ACBD5: variants seen among roughly 807,000 people sequenced by gnomAD.
ACBD5 encodes the protein acyl-CoA binding domain containing 5, also known as acyl-CoA-binding domain-containing protein 5.
In ACBD5, 40 loss-of-function variants were observed where a neutral mutation model predicts 71.8. The ratio of observed to expected loss-of-function variants is 0.56; its 90% CI spans 0.43 to 0.72. The LOEUF (loss-of-function observed/expected upper bound fraction) is 0.72. Ranked by LOEUF, ACBD5 falls within the 30% of genes least tolerant of loss-of-function variation. ACBD5 has a pLI of 0.00. For missense variants in ACBD5, 559 were observed against 644.5 expected, an observed-to-expected ratio of 0.87 and a Z score of 1.44; for synonymous variants, 229 against 218.6, an observed-to-expected ratio of 1.05 and a Z score of -0.42.
chr10:27,211,261 AAT>A (rs1373553969), intron 8 of ACBD5, among the ~76,000 whole-genome samples, 180 bp from the exon 9 acceptor site: 2 of 152,218 alleles, frequency 1.3e-5, no homozygotes, highest in Non-Finnish European at 2.9e-5. Context: ...GCAGGGAAGA[AAT>A]AGGACAAGAA....
At chr10:27,236,512 A>G (rs2064717694) in intron 2 of ACBD5, among the ~76,000 whole-genome samples, 1 of 152,206 alleles carries the variant, frequency 6.6e-6, no homozygotes, top group Non-Finnish European at 1.5e-5. Flanking sequence ...ATCAGTGTAT[A>G]TTACCTTTAT....
chr10:27,185,237 C>T (rs1431710649), intron 13 of ACBD5, among the ~76,000 whole-genome samples: 1 of 152,126 alleles, frequency 6.6e-6, no homozygotes, highest in Non-Finnish European at 1.5e-5. Context: ...GCCTTAGAGT[C>T]AAAACTGGAG....
chr10:27,227,131 T>C (rs7089915), intron 4 of ACBD5, among the ~76,000 whole-genome samples: 1 of 10,296 alleles, frequency 9.7e-5, no homozygotes, highest in African/African-American at 4.5e-4. Flanking sequence ...TGGCCACCCC[T>C]GGTCTAAAGT....
At chr10:27,212,186 TA>T (rs772004428) in intron 8 of ACBD5, among the ~76,000 whole-genome samples, 1 of 152,142 alleles carries the variant, frequency 6.6e-6, no homozygotes, top group African/African-American at 2.4e-5. Context: ...CCGTCTTTAC[TA>T]AAAATACAAA....
At position 27,240,103 on chromosome 10, in the gene ACBD5, T is replaced by G. The variant is rs565168080; in HGVS notation, c.181+216A>C. Among the ~76,000 whole-genome samples, 4 of 152,296 alleles carry G rather than the reference T, an allele frequency of 2.6e-5. No individual in the cohort carries two copies. The South Asian group carries it at 6.2e-4, about 24-fold the overall frequency. The stretch of plus-strand genomic sequence containing the variant: ...CAGTCATTAAGTGACAAGACTTTTG[T>G]TTTCAACAATATGAAGTACTTAAAA... On this transcript the variant is annotated intron_variant, in intron 2 of 12. Transcript: ENST00000396271. This position sits in a 1 kb window ranked among gnomAD's most constrained non-coding sequence, Gnocchi z 4.1.
chr10:27,196,384 C>A lies in ACBD5; in HGVS notation c.*1046G>T. 2.2e-6 allele frequency: 1 copy of A among 454,216 alleles called. No individual in the cohort carries two copies. The allele number at this position is 454,216 out of a possible 1,614,324, so 28.1% of individuals were successfully genotyped here. A position where few individuals can be genotyped will look rare whatever the true frequency, so the allele number is the denominator to read the frequency against. ...GGGACTTAAATTTCTGTTAGCTGGG[C>A]ATGCCTTATTCCTATGGAAGCATTT... On this transcript the variant is annotated 3_prime_UTR_variant, in exon 13 of 13. Coordinates refer to ENST00000396271, the MANE Select transcript of ACBD5 (RefSeq NM_145698.5).
At chr10:27,217,449 C>G (rs929478622) in intron 7 of ACBD5, among the ~76,000 whole-genome samples, 3 of 137,206 alleles carry the variant, frequency 2.2e-5, no homozygotes, top group African/African-American at 8.1e-5. Context: ...GAGCGAGACA[C>G]CATCTCAAAA....
intron 5 of ACBD5, chr10:27,220,555 G>T (rs750281920): frequency 1.4e-4 from 21 of 152,128 alleles, no homozygotes; most frequent in Non-Finnish European, 2.9e-4. Context: ...CAATGCTGTT[G>T]GTTACTGGAC....
At chr10:27,197,591 C>T in intron 12 of ACBD5, 149 bp from the exon 13 acceptor site, 1 of 653,354 alleles carries the variant, frequency 1.5e-6, no homozygotes, top group South Asian at 1.9e-5. Flanking sequence ...TGACTTGCAG[C>T]CTGATAGGAA....
intron 8 of ACBD5, among the ~76,000 whole-genome samples, chr10:27,213,509 G>C (rs1381032832): frequency 6.6e-6 from 1 of 152,142 alleles, no homozygotes; most frequent in Admixed American, 6.6e-5. Flanking sequence ...TGAAATCCCA[G>C]CACTTTGGGA....
At chr10:27,191,869 C>T (rs947849992), downstream of ACBD5, among the ~76,000 whole-genome samples, 9 of 151,268 alleles carry the variant, frequency 5.9e-5, no homozygotes, top group African/African-American at 2.0e-4. Context: ...GCCTGGGTGA[C>T]GAGAGGGAAA....
At chr10:27,219,920 A>C (rs2062122101) in intron 5 of ACBD5, 63 bp from the exon 6 acceptor site, 2 of 1,481,862 alleles carry the variant, frequency 1.3e-6, no homozygotes, top group African/African-American at 2.8e-5. Flanking sequence ...ATAATTTCCA[A>C]GTAATACTAA....
chr10:27,191,401 T>A (rs1412682768), downstream of ACBD5, among the ~76,000 whole-genome samples: 1 of 152,082 alleles, frequency 6.6e-6, no homozygotes, highest in Non-Finnish European at 1.5e-5. Context: ...TCAAAACTCA[T>A]AGGATGTACA....
chr10:27,215,495 C>T, intron 8 of ACBD5, 40 bp downstream of exon 8: 1 of 1,407,848 alleles, frequency 7.1e-7, no homozygotes, highest in Non-Finnish European at 1.0e-6. Flanking sequence ...TTCTAATACA[C>T]CACTTTGAAA....
Position 27,240,437 on chromosome 10 carries a change from G to A in ACBD5, c.63C>T (p.Pro21=), listed in dbSNP as rs775374463. 6.8e-6 allele frequency: 11 copies of A among 1,613,932 alleles called. No homozygotes were observed. In the African/African-American group the frequency reaches 8.0e-5, roughly 12 times the overall value. Residue 21 remains proline, a synonymous_variant, in exon 2 of 13, where the codon CCC becomes CCT. Coordinates refer to ENST00000396271, the MANE Select transcript of ACBD5 (RefSeq NM_145698.5). This position sits in a 1 kb window ranked among gnomAD's most constrained non-coding sequence, Gnocchi z 4.1. The part of the protein sequence containing the change: ...WESWCCCCLI[P]ADRPWDRGQH... ...GGCCCCGGTCCCAAGGTCTGTCGGCGGGAATCAGGCAGCAGCAGCACCAGC... is the reference window on the plus strand; with the variant it reads ...GGCCCCGGTCCCAAGGTCTGTCGGCAGGAATCAGGCAGCAGCAGCACCAGC...
chr10:27,220,765 G>T (rs2062235127), intron 5 of ACBD5, among the ~76,000 whole-genome samples: 1 of 151,852 alleles, frequency 6.6e-6, no homozygotes, highest in Non-Finnish European at 1.5e-5. Flanking sequence ...CAAAATTGGA[G>T]GACTCATCAT....
intron 4 of ACBD5, 27 bp from the exon 5 acceptor site, chr10:27,223,479 G>T: frequency 1.3e-6 from 2 of 1,524,070 alleles, no homozygotes; most frequent in South Asian, 2.2e-5. Context: ...CAAATATTGT[G>T]AAATCACAAA....
intron 9 of ACBD5, among the ~76,000 whole-genome samples, chr10:27,209,338 C>T (rs1031808717): frequency 6.6e-6 from 1 of 150,946 alleles, no homozygotes; most frequent in African/African-American, 2.5e-5. Context: ...AGGTATTTGT[C>T]TGTTTGTTTG....
chr10:27,193,178 T>C (rs909924509), downstream of ACBD5, among the ~76,000 whole-genome samples: 5 of 131,198 alleles, frequency 3.8e-5, no homozygotes, highest in African/African-American at 1.5e-4. Context: ...TGTGTCTTGC[T>C]CTGTTTCCCA....
Sources: gnomAD v4.1 joint callset for allele counts (sites outside exome capture counted in the v4.1 genomes callset) on GRCh38, gnomAD v4.1.1 for gene constraint, Gnocchi (gnomAD v3.1) non-coding constraint, MANE v1.5 for transcripts, NCBI Gene and HGNC (gene_info 2026-07-23, HGNC 2026-07-21) for gene names.